Variants in ZNF292 observed in about 807,000 individuals in gnomAD.
ZNF292 encodes zinc finger protein 292.
ZNF292 carries 26 observed loss-of-function variants against 217.9 expected under a neutral mutation model. That is an observed-to-expected ratio of 0.12 (90% CI 0.09 to 0.17). ZNF292 has a LOEUF of 0.17. Ranked by LOEUF, ZNF292 falls within the 10% of genes least tolerant of loss-of-function variation. The pLI is 1.00. For missense variants in ZNF292, 2,904 were observed against 3,175.2 expected (o/e 0.91, Z 2.05); for synonymous variants, 1,257 against 1,124.1 (o/e 1.12, Z -2.37).
At chr6:87,183,298 A>G (rs1771525876) in intron 1 of ZNF292, among the ~76,000 whole-genome samples, 1 of 152,306 alleles carries the variant, frequency 6.6e-6, no homozygotes, top group East Asian at 1.9e-4. Context: ...GAAACAGGGA[A>G]TAAAATAATT....
intron 7 of ZNF292, among the ~76,000 whole-genome samples, chr6:87,246,526 T>C (rs9344695): frequency 0.54 from 81,056 of 150,870 alleles, 22,034 homozygotes; most frequent in Admixed American, 0.62. Flanking sequence ...GACTAAGTAG[T>C]TGGAAGTTTG....
At chr6:87,224,906 T>A in intron 4 of ZNF292, among the ~76,000 whole-genome samples, 1 of 152,164 alleles carries the variant, frequency 6.6e-6, no homozygotes, top group Non-Finnish European at 1.5e-5. Context: ...GATGGCTATG[T>A]CATATGGTAA....
At chr6:87,194,805 TTAGGAAA>T (rs1209869448) in intron 1 of ZNF292, among the ~76,000 whole-genome samples, 1 of 152,114 alleles carries the variant, frequency 6.6e-6, no homozygotes, top group East Asian at 1.9e-4. Context: ...AAATAAAATA[TTAGGAAA>T]TAGAATCCAG....
At chr6:87,231,148 TAGAG>T (rs1005110240) in intron 4 of ZNF292, among the ~76,000 whole-genome samples, 16 of 152,022 alleles carry the variant, frequency 1.1e-4, no homozygotes, top group African/African-American at 3.6e-4. Flanking sequence ...AGTGAAGAAG[TAGAG>T]GGAGAGAAGT....
chr6:87,201,467 T>C (rs1338035966), intron 1 of ZNF292, among the ~76,000 whole-genome samples: 2 of 152,306 alleles, frequency 1.3e-5, no homozygotes, highest in South Asian at 2.1e-4. Context: ...TGCAATGGCA[T>C]GATCTCGGCT....
chr6:87,196,155 C>T (rs1771948785), intron 1 of ZNF292, among the ~76,000 whole-genome samples: 1 of 152,156 alleles, frequency 6.6e-6, no homozygotes, highest in African/African-American at 2.4e-5. Flanking sequence ...GAACAAGCAT[C>T]TCTTCTGTGC....
chr6:87,157,270 C>T (rs1770573887), intron 1 of ZNF292, among the ~76,000 whole-genome samples: 1 of 152,072 alleles, frequency 6.6e-6, no homozygotes, highest in African/African-American at 2.4e-5. Flanking sequence ...CTGGTGAGTA[C>T]CTGTGGCAAA....
chr6:87,258,634 C>T lies in ZNF292; in HGVS notation c.5005C>T (p.Leu1669Phe). The change falls in exon 8 of 8, where the codon CTT (leucine) becomes TTT (phenylalanine). Residue 1669 changes from leucine to phenylalanine, a missense_variant. Physicochemically the swap from Leu to Phe is conservative, Grantham distance 22. Coordinates refer to ENST00000369577, the MANE Select transcript of ZNF292 (RefSeq NM_015021.3). ...GAGTGTTGAAATCCCAACTACTAAC[C>T]TTCATTCAAATGTAATTCCAACTTG... ...AKSVEIPTTN[L>F]HSNVIPTCEP... The T allele has an allele frequency of 6.2e-7, 1 of 1,613,540 alleles. No individual in the cohort carries two copies. The highest frequency in any genetic ancestry group is 8.5e-7 in the Non-Finnish European group (1 of 1,179,742).
At chr6:87,213,352 C>T (rs9344692) in intron 1 of ZNF292, among the ~76,000 whole-genome samples, 18,960 of 152,126 alleles carry the variant, frequency 0.12, 1,377 homozygotes, top group African/African-American at 0.2. Flanking sequence ...TTACTTTCTG[C>T]GGAAAGGGTG....
In ZNF292 at chr6:87,225,423, T is replaced by C. The variant is rs189094720; in HGVS notation, c.538+6692T>C. On this transcript the variant is annotated intron_variant, in intron 4 of 7. Coordinates refer to ENST00000369577, the MANE Select transcript of ZNF292 (RefSeq NM_015021.3). Reference sequence around the variant, plus strand: ...TCCATGGATCATGCTTTTGGTATTTTATCTAAAATCTCATCGTGAAATCCA... The same window carrying C: ...TCCATGGATCATGCTTTTGGTATTTCATCTAAAATCTCATCGTGAAATCCA... 3.3e-4 allele frequency among the ~76,000 whole-genome samples: 50 copies of C among 152,314 alleles called. 1 individual carries two copies. In the East Asian group the frequency reaches 9.1e-3, roughly 28 times the overall value.
rs767646685 is a variant in ZNF292 at position 87,254,650 on chromosome 6, A to G, written c.1021A>G (p.Thr341Ala). 2.0e-5 allele frequency: 31 copies of G among 1,589,398 alleles called. No individual in the cohort carries two copies. The highest frequency in any genetic ancestry group is 2.1e-5 in the Non-Finnish European group (24 of 1,166,450). ...ACATTTCCTATTTGCTTTTTCACAG[A>G]CTGAAGGGGCTGGACTTGCTACCTG... ...FFLIKVINSE[T>A]EGAGLATCIE... The change falls in exon 8 of 8, where the codon ACT (threonine) becomes GCT (alanine). Residue 341 changes from threonine (T) to alanine (A), a missense_variant and splice_region_variant. Thr to Ala is a moderately conservative substitution (Grantham distance 58). Coordinates refer to ENST00000369577, the MANE Select transcript of ZNF292 (RefSeq NM_015021.3).
intron 5 of ZNF292, among the ~76,000 whole-genome samples, chr6:87,239,797 A>T (rs9450641): frequency 1.9e-5 from 2 of 106,054 alleles, no homozygotes; most frequent in Non-Finnish European, 4.0e-5. Flanking sequence ...GACAATGGGC[A>T]GCCGAGCAGA....
intron 1 of ZNF292, among the ~76,000 whole-genome samples, chr6:87,196,023 G>A (rs1582405917): frequency 1.4e-5 from 2 of 139,928 alleles, no homozygotes; most frequent in East Asian, 4.1e-4. Flanking sequence ...GTGAGACTCC[G>A]TCTCAAAAAA....
intron 1 of ZNF292, among the ~76,000 whole-genome samples, chr6:87,199,503 T>C (rs2127788196): frequency 6.6e-6 from 1 of 152,320 alleles, no homozygotes; most frequent in African/African-American, 2.4e-5. Flanking sequence ...TGAATTGAAG[T>C]CCAATTTATG....
intron 1 of ZNF292, among the ~76,000 whole-genome samples, chr6:87,185,533 G>A (rs535882051): frequency 6.6e-6 from 1 of 152,278 alleles, no homozygotes; most frequent in South Asian, 2.1e-4. Context: ...AGGCTGGAGT[G>A]CAGTGGCACA....
Position 87,156,786 on chromosome 6 carries a change from A to G in ZNF292, c.168+1027A>G, listed in dbSNP as rs372253594. 9.2e-5 allele frequency among the ~76,000 whole-genome samples: 14 copies of G among 152,274 alleles called. No homozygotes were observed. In the East Asian group the frequency reaches 1.2e-3, roughly 13 times the overall value. On this transcript the variant is annotated intron_variant, in intron 1 of 7. Coordinates refer to ENST00000369577, the MANE Select transcript of ZNF292 (RefSeq NM_015021.3). ...GCTAGTGATGAAAATCATTTCATCC[A>G]TGGTGAAAATCGGAGAGTTTGGGAC...
intron 4 of ZNF292, among the ~76,000 whole-genome samples, chr6:87,220,991 A>G (rs1773058005): frequency 6.6e-6 from 1 of 152,206 alleles, no homozygotes; most frequent in Non-Finnish European, 1.5e-5. Context: ...GTATACCTCT[A>G]TAGGTTATAC....
chr6:87,167,161 CATTT>C lies in ZNF292; in HGVS notation c.168+11410_168+11413del, dbSNP rs1400678327. On this transcript the variant is annotated intron_variant, in intron 1 of 7. Transcript: ENST00000369577. ...CTAGGAAGTGAACTGCAGGAAAAATCATTTATTTATTCCATTAGCAGTTACTTGG... is the reference window on the plus strand; with the variant it reads ...CTAGGAAGTGAACTGCAGGAAAAATCATTTATTCCATTAGCAGTTACTTGG... Among the ~76,000 whole-genome samples the C allele has an allele frequency of 3.9e-5, 6 of 152,266 alleles. No homozygotes were observed. The East Asian group carries it at 9.6e-4, about 24-fold the overall frequency.
Position 87,264,796 on chromosome 6 carries a change from C to T in ZNF292, c.*2995C>T, listed in dbSNP as rs934881111. Among the ~76,000 whole-genome samples the T allele has an allele frequency of 2.0e-5, 3 of 152,026 alleles. No individual in the cohort carries two copies. Among genetic ancestry groups the T allele is most frequent in the Non-Finnish European group, 2.9e-5 (2 of 68,016 alleles). On this transcript the variant is annotated 3_prime_UTR_variant, in exon 8 of 8. Coordinates refer to ENST00000369577, the MANE Select transcript of ZNF292 (RefSeq NM_015021.3). ...GGTTTTTGAAAATTGTTATTGGATG[C>T]ATGTATATTGAACAATTTAATCAGT...
Sources: allele counts gnomAD v4.1 joint callset (sites outside exome capture counted in the v4.1 genomes callset), GRCh38; gene constraint gnomAD v4.1.1; transcripts MANE v1.5; gene names NCBI Gene and HGNC (gene_info 2026-07-23, HGNC 2026-07-21).